Variants in PAN3 observed in about 807,000 individuals in gnomAD.
PAN3 encodes PAN2-PAN3 deadenylation complex subunit PAN3.
In PAN3, 19 loss-of-function variants were observed where a neutral mutation model predicts 96.2. That is an observed-to-expected ratio of 0.20 (90% CI 0.14 to 0.29). PAN3 has a LOEUF of 0.29. Among genes scored for constraint, PAN3 ranks in the 10% least tolerant of loss-of-function variants. The probability of loss-of-function intolerance (pLI) is 1.00; values close to 1 mark genes in which losing one functional copy is unlikely to be tolerated. For missense variants in PAN3, 882 were observed against 1,108.1 expected (o/e 0.80, Z 2.90); for synonymous variants, 433 against 406.6 (o/e 1.06, Z -0.78).
intron 4 of PAN3, among the ~76,000 whole-genome samples, chr13:28,184,888 A>G (rs544223357): frequency 3.9e-5 from 6 of 152,234 alleles, no homozygotes; most frequent in African/African-American, 1.4e-4. Context: ...CTTCTGTCAC[A>G]TGTTACAGTT....
chr13:28,162,567 A>T (rs1227354599), intron 1 of PAN3, among the ~76,000 whole-genome samples: 1 of 151,984 alleles, frequency 6.6e-6, no homozygotes, highest in Non-Finnish European at 1.5e-5. Flanking sequence ...ACACCTGTAG[A>T]ACCCAGGAGG....
intron 14 of PAN3, 42 bp from the exon 15 acceptor site, chr13:28,277,195 G>A (rs719368): frequency 0.19 from 289,970 of 1,560,144 alleles, 35,042 homozygotes; most frequent in African/African-American, 0.57. Flanking sequence ...ATGAGTACCT[G>A]TGAAATGAAA....
chr13:28,170,680 A>G (rs957717034), intron 1 of PAN3, among the ~76,000 whole-genome samples: 11 of 152,220 alleles, frequency 7.2e-5, no homozygotes, highest in Non-Finnish European at 1.5e-4. Flanking sequence ...GCCTTAAGGA[A>G]TGGAGGAACC....
chr13:28,217,229 G>A (rs901358176), intron 5 of PAN3, among the ~76,000 whole-genome samples: 2 of 151,988 alleles, frequency 1.3e-5, no homozygotes, highest in African/African-American at 4.8e-5. Flanking sequence ...AAAGTTGGGG[G>A]ATGATGTCAT....
intron 6 of PAN3, among the ~76,000 whole-genome samples, chr13:28,252,567 T>C (rs556873388): frequency 4.6e-5 from 7 of 152,274 alleles, no homozygotes; most frequent in Admixed American, 4.6e-4. Flanking sequence ...TCCAGTTAAT[T>C]TCTCCAGTAG....
chr13:28,238,912 T>C (rs1566216141), intron 6 of PAN3, among the ~76,000 whole-genome samples: 1 of 152,190 alleles, frequency 6.6e-6, no homozygotes, highest in Non-Finnish European at 1.5e-5. Context: ...ATGTTGATTT[T>C]TTTTTGGGTT....
chr13:28,206,520 C>G (rs1879383849), intron 5 of PAN3, among the ~76,000 whole-genome samples: 1 of 151,680 alleles, frequency 6.6e-6, no homozygotes, highest in South Asian at 2.1e-4. Flanking sequence ...TAGGGTTTTG[C>G]CATGTTGTCC....
intron 6 of PAN3, among the ~76,000 whole-genome samples, chr13:28,223,527 C>T (rs182217431): frequency 6.6e-6 from 1 of 151,748 alleles, no homozygotes; most frequent in Admixed American, 6.6e-5. Context: ...GGTTCACAGC[C>T]TTCCAAAATT....
chr13:28,176,087 A>G (rs543935638), intron 2 of PAN3, among the ~76,000 whole-genome samples: 6 of 152,334 alleles, frequency 3.9e-5, no homozygotes, highest in South Asian at 2.1e-4. Context: ...TATAAGCTCT[A>G]TAAGGTGTAT....
chr13:28,204,710 G>A (rs556873583), intron 5 of PAN3, among the ~76,000 whole-genome samples: 3 of 152,136 alleles, frequency 2.0e-5, no homozygotes, highest in Non-Finnish European at 4.4e-5. Context: ...TGAATGAAAG[G>A]TTCTGGGAAA....
intron 1 of PAN3, among the ~76,000 whole-genome samples, chr13:28,142,116 A>G (rs1869934603): frequency 6.6e-6 from 1 of 152,188 alleles, no homozygotes; most frequent in South Asian, 2.1e-4. Flanking sequence ...TCTCTCAGTA[A>G]TTCCTTATGG....
intron 6 of PAN3, among the ~76,000 whole-genome samples, chr13:28,249,069 G>A (rs1229578390): frequency 6.6e-6 from 1 of 152,102 alleles, no homozygotes; most frequent in African/African-American, 2.4e-5. Flanking sequence ...GTTACAAAAA[G>A]TTTTAAATTT....
At chr13:28,239,552 C>T in intron 6 of PAN3, 1 of 1,227,748 alleles carries the variant, frequency 8.1e-7, no homozygotes, top group Non-Finnish European at 1.1e-6. Flanking sequence ...AGTAGCTGTT[C>T]TGATTTTTGT....
chr13:28,277,169 A>G, intron 14 of PAN3, 68 bp from the exon 15 acceptor site: 1 of 1,421,030 alleles, frequency 7.0e-7, no homozygotes, highest in Non-Finnish European at 9.6e-7. Flanking sequence ...TTTAGGCAGT[A>G]GTGTCAGTGT....
At chr13:28,208,393 A>G (rs1879621739) in intron 5 of PAN3, among the ~76,000 whole-genome samples, 1 of 152,190 alleles carries the variant, frequency 6.6e-6, no homozygotes. Context: ...GTGATAGAAT[A>G]AACTAGGTGG....
At chr13:28,148,568 T>C (rs1870970804) in intron 1 of PAN3, among the ~76,000 whole-genome samples, 1 of 152,206 alleles carries the variant, frequency 6.6e-6, no homozygotes, top group Non-Finnish European at 1.5e-5. Flanking sequence ...AAAGAGTACA[T>C]AGTGAAAAAT....
intron 14 of PAN3, among the ~76,000 whole-genome samples, chr13:28,272,622 T>G (rs1201901486): frequency 6.7e-6 from 1 of 150,178 alleles, no homozygotes; most frequent in Non-Finnish European, 1.5e-5. Context: ...CAGACTGGAG[T>G]GCAATGGCGC....
rs566047470 is a variant in PAN3, at chr13:28,160,936, G to T, written c.431-13336G>T. ...TTTCAGTTGTCTTGAAGATGTCATG[G>T]TGTTCAATGTTCTTTATGGAAAAAT... On this transcript the variant is annotated intron_variant, in intron 1 of 18. Transcript: ENST00000380958. Among the ~76,000 whole-genome samples, 14 of 152,278 alleles carry T rather than the reference G, an allele frequency of 9.2e-5. 2 individuals carry two copies. The South Asian group carries it at 2.9e-3, about 32-fold the overall frequency.
intron 6 of PAN3, among the ~76,000 whole-genome samples, chr13:28,244,931 C>G (rs1263695476): frequency 6.6e-6 from 1 of 152,090 alleles, no homozygotes; most frequent in African/African-American, 2.4e-5. Context: ...TCACTGCAAC[C>G]TCCGCCTCCC....
Sources: gnomAD v4.1 joint callset for allele counts (sites outside exome capture counted in the v4.1 genomes callset) on GRCh38, gnomAD v4.1.1 for gene constraint, MANE v1.5 for transcripts, NCBI Gene and HGNC (gene_info 2026-07-23, HGNC 2026-07-21) for gene names.